Variants in VPS8 observed in about 807,000 individuals in gnomAD.
VPS8 encodes the protein vacuolar protein sorting-associated protein 8 homolog.
A neutral mutation model predicts 216.4 loss-of-function variants in VPS8; 129 were observed. That is an observed-to-expected ratio of 0.60 (90% CI 0.52 to 0.69). The LOEUF (loss-of-function observed/expected upper bound fraction) is 0.69, where lower values mean the gene tolerates loss of function less well. Ranked by LOEUF, VPS8 falls within the 30% of genes least tolerant of loss-of-function variation. The pLI is 0.00. For missense variants in VPS8, 1,531 were observed against 1,683.5 expected (o/e 0.91, Z 1.59); for synonymous variants, 571 against 565.4 (o/e 1.01, Z -0.14).
intron 40 of VPS8, among the ~76,000 whole-genome samples, chr3:184,981,058 C>T (rs1603229): frequency 0.68 from 103,183 of 152,026 alleles, 37,849 homozygotes; most frequent in East Asian, 0.84. Context: ...TCTTCATTTC[C>T]GGAAGATTTC....
At chr3:185,036,759 A>G (rs1039309671) in intron 46 of VPS8, among the ~76,000 whole-genome samples, 2 of 151,992 alleles carry the variant, frequency 1.3e-5, no homozygotes, top group Non-Finnish European at 2.9e-5. Flanking sequence ...CTCTAGTAAT[A>G]TATAGTGCAT....
At chr3:184,843,823 G>T (rs1722619605) in intron 8 of VPS8, among the ~76,000 whole-genome samples, 1 of 152,052 alleles carries the variant, frequency 6.6e-6, no homozygotes, top group Non-Finnish European at 1.5e-5. Flanking sequence ...TGTTTCATTG[G>T]TTTATTTACT....
intron 46 of VPS8, 54 bp downstream of exon 46, chr3:185,024,443 C>G: frequency 4.0e-6 from 6 of 1,497,064 alleles, no homozygotes; most frequent in Non-Finnish European, 5.5e-6. Flanking sequence ...TGTTTATTCT[C>G]CTATGTGGAA....
chr3:184,927,683 CTT>C (rs1739910317), intron 31 of VPS8, among the ~76,000 whole-genome samples: 1 of 152,174 alleles, frequency 6.6e-6, no homozygotes, highest in East Asian at 1.9e-4. Context: ...CCCCAGAACT[CTT>C]TTATCTTCCC....
intron 21 of VPS8, among the ~76,000 whole-genome samples, chr3:184,883,345 T>C (rs1308792037): frequency 6.6e-6 from 1 of 152,358 alleles, no homozygotes; most frequent in East Asian, 1.9e-4. Context: ...CAGATTACTA[T>C]ACTCAATTTC....
chr3:185,013,871 A>T (rs1011049586), intron 45 of VPS8, among the ~76,000 whole-genome samples: 1 of 152,206 alleles, frequency 6.6e-6, no homozygotes, highest in Admixed American at 6.5e-5. Flanking sequence ...GGGACCAGTC[A>T]ATAATGATTC....
chr3:185,041,944 A>ACGCTTGGGAC, intron 46 of VPS8, among the ~76,000 whole-genome samples: 1 of 152,262 alleles, frequency 6.6e-6, no homozygotes, highest in East Asian at 1.9e-4. Context: ...GCTAAAGCAG[A>ACGCTTGGGAC]AGGGAAGGAG....
At chr3:184,839,593 A>T in intron 6 of VPS8, 105 bp from the exon 7 acceptor site, 1 of 1,043,032 alleles carries the variant, frequency 9.6e-7, no homozygotes, top group African/African-American at 1.6e-5. Flanking sequence ...AATAGTTTGT[A>T]TGTCATCTGG....
At chr3:184,947,477 C>G (rs1743908389) in intron 36 of VPS8, among the ~76,000 whole-genome samples, 1 of 151,380 alleles carries the variant, frequency 6.6e-6, no homozygotes, top group South Asian at 2.1e-4. Flanking sequence ...TTGAAACAGT[C>G]TTTTAGTCCT....
At chr3:185,024,539 C>A in intron 46 of VPS8, 150 bp downstream of exon 46, 1 of 910,526 alleles carries the variant, frequency 1.1e-6, no homozygotes, top group Non-Finnish European at 1.6e-6. Context: ...GACATGTCTC[C>A]AGGCCTCCTC....
intron 45 of VPS8, among the ~76,000 whole-genome samples, chr3:185,014,443 A>G (rs536247385): frequency 6.9e-4 from 105 of 152,262 alleles, no homozygotes; most frequent in African/African-American, 2.4e-3. Flanking sequence ...ATGGTATCCA[A>G]ATCGGCTGTT....
In VPS8 at chr3:185,052,186, G is replaced by T; in HGVS notation, c.*161G>T. ...CAGAGCGTCCACAGCACCATTCCCA[G>T]TGTAGACTCCCAGTCTTCTCCACAT... On this transcript the variant is annotated 3_prime_UTR_variant, in exon 48 of 48. Transcript: ENST00000625842. 1 of 664,580 alleles carries T rather than the reference G, an allele frequency of 1.5e-6. No homozygotes were observed. The highest frequency in any genetic ancestry group is 2.4e-6 in the Non-Finnish European group (1 of 415,722). 41.2% of individuals were successfully genotyped at this position (664,580 alleles called of 1,614,324 possible). A position where few individuals can be genotyped will look rare whatever the true frequency, so the allele number is the denominator to read the frequency against.
intron 25 of VPS8, among the ~76,000 whole-genome samples, chr3:184,906,372 A>G (rs1173566970): frequency 6.6e-6 from 1 of 152,202 alleles, no homozygotes; most frequent in East Asian, 1.9e-4. Context: ...TTCTATGTGC[A>G]CTTGAGCATA....
chr3:184,972,632 A>G (rs975132308), intron 40 of VPS8, among the ~76,000 whole-genome samples: 16 of 152,322 alleles, frequency 1.1e-4, no homozygotes, highest in African/African-American at 2.4e-4. Flanking sequence ...CATGATTCCA[A>G]TGTGCAGCCA....
intron 45 of VPS8, among the ~76,000 whole-genome samples, chr3:185,022,043 G>A (rs1327275737): frequency 2.6e-5 from 4 of 152,082 alleles, no homozygotes; most frequent in Non-Finnish European, 4.4e-5. Context: ...TCCATGTGTC[G>A]GGAAAGGGAC....
chr3:185,034,456 T>C (rs980302317), intron 46 of VPS8, among the ~76,000 whole-genome samples: 1 of 152,248 alleles, frequency 6.6e-6, no homozygotes, highest in African/African-American at 2.4e-5. Flanking sequence ...GAAATGTCTG[T>C]TCATGACCTT....
chr3:184,912,771 A>T (rs1736796139), intron 25 of VPS8, among the ~76,000 whole-genome samples: 1 of 152,218 alleles, frequency 6.6e-6, no homozygotes, highest in Non-Finnish European at 1.5e-5. Flanking sequence ...AAGATTACTG[A>T]TAAAGGCATA....
chr3:184,873,486 G>C (rs984636247), intron 21 of VPS8, among the ~76,000 whole-genome samples: 1 of 152,066 alleles, frequency 6.6e-6, no homozygotes, highest in African/African-American at 2.4e-5. Context: ...TCATAACTCT[G>C]TAAGGTGGCT....
chr3:184,924,390 G>A (rs371017978), intron 29 of VPS8, among the ~76,000 whole-genome samples: 2 of 152,086 alleles, frequency 1.3e-5, no homozygotes, highest in East Asian at 1.9e-4. Flanking sequence ...GGTGGCACAC[G>A]CCTGTAGTCC....
Sources: allele counts gnomAD v4.1 joint callset (sites outside exome capture counted in the v4.1 genomes callset), GRCh38; gene constraint gnomAD v4.1.1; transcripts MANE v1.5; gene names NCBI Gene and HGNC (gene_info 2026-07-23, HGNC 2026-07-21).